The following FAM3C variants were observed in gnomAD, a reference collection of about 807,000 sequenced individuals.
FAM3C encodes protein FAM3C.
FAM3C carries 15 observed loss-of-function variants against 32.5 expected under a neutral mutation model. That is an observed-to-expected ratio of 0.46 (90% confidence interval 0.31 to 0.71). The LOEUF (loss-of-function observed/expected upper bound fraction) is 0.71, where lower values mean the gene tolerates loss of function less well. Ranked by LOEUF, FAM3C falls within the 30% of genes least tolerant of loss-of-function variation. FAM3C has a pLI of 0.05. For synonymous variants in FAM3C, 75 were observed against 86.1 expected, an observed-to-expected ratio of 0.87 and a Z score of 0.72; for missense variants, 175 against 274.4, an observed-to-expected ratio of 0.64 and a Z score of 2.56.
In FAM3C at chr7:121,349,274, A is replaced by G. The variant is rs1793648755; in HGVS notation, c.*1187T>C. 6.6e-6 allele frequency: 1 copy of G among 152,520 alleles called. No individual in the cohort carries two copies. The highest frequency in any genetic ancestry group is 1.5e-5 in the Non-Finnish European group (1 of 68,010). 9.4% of individuals were successfully genotyped at this position (152,520 alleles called of 1,614,324 possible). A position where few individuals can be genotyped will look rare whatever the true frequency, so the allele number is the denominator to read the frequency against. On this transcript the variant is annotated 3_prime_UTR_variant, in exon 10 of 10. Coordinates refer to ENST00000359943, the MANE Select transcript of FAM3C (RefSeq NM_014888.3). ...CTGTGAATGGCAGTTTGATCACTAA[A>G]TTTATGTTCCAGTTTGAGATACTTC...
intron 3 of FAM3C, among the ~76,000 whole-genome samples, chr7:121,372,980 A>T (rs1226702657): frequency 6.6e-6 from 1 of 152,212 alleles, no homozygotes; most frequent in African/African-American, 2.4e-5. Flanking sequence ...AAAGAGGAAA[A>T]TGACCAAGTA....
At chr7:121,392,268 G>A (rs1026040420) in intron 1 of FAM3C, among the ~76,000 whole-genome samples, 1 of 152,206 alleles carries the variant, frequency 6.6e-6, no homozygotes, top group African/African-American at 2.4e-5. Context: ...ACCTATAAAG[G>A]AAAGAAGTTT....
At chr7:121,383,036 T>TG in intron 1 of FAM3C, 26 bp from the exon 2 acceptor site, 1 of 1,263,758 alleles carries the variant, frequency 7.9e-7, no homozygotes, top group Non-Finnish European at 1.1e-6. Flanking sequence ...AAAAAGCAAA[T>TG]ATCATTAGCT....
At chr7:121,377,893 A>G (rs1794271269) in intron 3 of FAM3C, among the ~76,000 whole-genome samples, 1 of 152,216 alleles carries the variant, frequency 6.6e-6, no homozygotes, top group South Asian at 2.1e-4. Flanking sequence ...AGTACACTCT[A>G]TGATGTTCTC....
intron 1 of FAM3C, among the ~76,000 whole-genome samples, chr7:121,392,574 T>A (rs956397181): frequency 6.6e-6 from 1 of 152,206 alleles, no homozygotes; most frequent in African/African-American, 2.4e-5. Context: ...ACGTATCAAC[T>A]GAACCAACTT....
intron 1 of FAM3C, among the ~76,000 whole-genome samples, chr7:121,386,759 C>T (rs1794473310): frequency 6.6e-6 from 1 of 151,422 alleles, no homozygotes; most frequent in Admixed American, 6.6e-5. Context: ...TACAGACCCC[C>T]TCAAGAACAG....
intron 1 of FAM3C, among the ~76,000 whole-genome samples, chr7:121,394,298 T>C (rs779035446): frequency 3.3e-5 from 5 of 152,264 alleles, no homozygotes; most frequent in Non-Finnish European, 7.3e-5. Flanking sequence ...CTTTTGGCTG[T>C]CTTTTCCAAT....
chr7:121,372,231 T>C (rs1338257570), intron 3 of FAM3C, 92 bp from the exon 4 acceptor site: 1 of 791,482 alleles, frequency 1.3e-6, no homozygotes, highest in Non-Finnish European at 2.1e-6. Context: ...AAATAAGTGT[T>C]CAAATAATGA....
chr7:121,385,603 C>T (rs541735347), intron 1 of FAM3C, among the ~76,000 whole-genome samples: 2 of 152,240 alleles, frequency 1.3e-5, no homozygotes, highest in African/African-American at 4.8e-5. Flanking sequence ...AATCAAGCTA[C>T]TATGTGAATA....
intron 3 of FAM3C, 102 bp from the exon 4 acceptor site, chr7:121,372,241 A>T: frequency 1.4e-6 from 1 of 730,340 alleles, no homozygotes; most frequent in Non-Finnish European, 2.4e-6. Flanking sequence ...TCAAATAATG[A>T]TTCAGTATAC....
intron 3 of FAM3C, among the ~76,000 whole-genome samples, chr7:121,373,873 A>T (rs1439745361): frequency 6.6e-6 from 1 of 151,786 alleles, no homozygotes; most frequent in Admixed American, 6.6e-5. Flanking sequence ...ATACAAAAAA[A>T]AAAAATTAGC....
intron 1 of FAM3C, among the ~76,000 whole-genome samples, chr7:121,387,490 C>T (rs1794488651): frequency 6.6e-6 from 1 of 152,044 alleles, no homozygotes; most frequent in East Asian, 1.9e-4. Flanking sequence ...ACGTGTTCAT[C>T]AAACATTTTC....
chr7:121,363,619 A>C (rs141183023), intron 6 of FAM3C, among the ~76,000 whole-genome samples: 155 of 152,278 alleles, frequency 1.0e-3, no homozygotes, highest in African/African-American at 3.7e-3. Flanking sequence ...ATCAATATGC[A>C]GTTAGGCCTC....
At chr7:121,393,124 G>A (rs757555894) in intron 1 of FAM3C, among the ~76,000 whole-genome samples, 1 of 152,082 alleles carries the variant, frequency 6.6e-6, no homozygotes, top group Non-Finnish European at 1.5e-5. Flanking sequence ...GAAACGTGAC[G>A]GTTCATAACA....
intron 1 of FAM3C, among the ~76,000 whole-genome samples, chr7:121,392,609 C>T (rs1217433288): frequency 2.0e-5 from 3 of 152,210 alleles, no homozygotes; most frequent in East Asian, 1.9e-4. Flanking sequence ...GTTGACCTTG[C>T]GTCTTTCAAA....
chr7:121,371,096 T>TA (rs1295502137), intron 5 of FAM3C, among the ~76,000 whole-genome samples: 2 of 152,248 alleles, frequency 1.3e-5, no homozygotes, highest in South Asian at 2.1e-4. Context: ...GAATAAGTGT[T>TA]ACGTTCTTAG....
At chr7:121,360,172 AAGC>A in intron 7 of FAM3C, 45 bp from the exon 8 acceptor site, 1 of 949,784 alleles carries the variant, frequency 1.1e-6, no homozygotes. Context: ...ATGACTGAAT[AAGC>A]ATCACGATAA....
At chr7:121,364,460 G>A in intron 5 of FAM3C, 1 of 336,042 alleles carries the variant, frequency 3.0e-6, no homozygotes, top group South Asian at 5.1e-5. Context: ...GTGCTACACT[G>A]CTTCAGATTA....
At position 121,381,360 on chromosome 7, in the gene FAM3C, T is replaced by C. The variant is rs188293839; in HGVS notation, c.13+1597A>G. On this transcript the variant is annotated intron_variant, in intron 2 of 9. Coordinates refer to ENST00000359943, the MANE Select transcript of FAM3C (RefSeq NM_014888.3). ...TAATTAGTTAAAAGCAATAAATTAA[T>C]AGCTAATTGTCCTTATTCATTCATT... Among the ~76,000 whole-genome samples the C allele has an allele frequency of 5.6e-3, 849 of 152,296 alleles. 5 individuals carry two copies. Among genetic ancestry groups the C allele is most frequent in the Admixed American group, 8.7e-3 (133 of 15,296 alleles).
Sources: allele counts gnomAD v4.1 joint callset (sites outside exome capture counted in the v4.1 genomes callset), GRCh38; gene constraint gnomAD v4.1.1; transcripts MANE v1.5; gene names NCBI Gene and HGNC (gene_info 2026-07-23, HGNC 2026-07-21).